The following UGP2 variants were observed in gnomAD, a reference collection of about 807,000 sequenced individuals.
The protein encoded by UGP2 is UDP-glucose pyrophosphorylase 2.
Under a neutral mutation model 49.0 loss-of-function variants are expected in UGP2, and 40 were observed. The observed-to-expected ratio is 0.82, with a 90% confidence interval of 0.63 to 1.06. UGP2 has a LOEUF of 1.06. Among genes scored for constraint, UGP2 ranks in the 50% least tolerant of loss-of-function variants. UGP2 has a pLI of 0.00. For missense variants in UGP2, 460 were observed against 603.5 expected (o/e 0.76, Z 2.49); for synonymous variants, 225 against 213.0 (o/e 1.06, Z -0.49).
Position 63,887,641 on chromosome 2 carries a change from G to T in UGP2, c.1311G>T (p.Thr437=), listed in dbSNP as rs372266567. 1 of 1,613,970 alleles carries T rather than the reference G, an allele frequency of 6.2e-7. No homozygotes were observed. The highest frequency in any genetic ancestry group is 8.5e-7 in the Non-Finnish European group (1 of 1,179,950). ...VPLVKLGSSF[T]KVQDYLRRFE... Reference sequence around the variant, plus strand: ...TGGTTAAATTAGGCAGTTCTTTTACGAAGGTACGTAACTATAAAGATATGT... The same window carrying T: ...TGGTTAAATTAGGCAGTTCTTTTACTAAGGTACGTAACTATAAAGATATGT... Residue 437 remains threonine (T), a synonymous_variant, in exon 8 of 10, where the codon ACG becomes ACT. Coordinates refer to ENST00000337130, the MANE Select transcript of UGP2 (RefSeq NM_006759.4).
chr2:63,869,545 ATT>A (rs1670404540), intron 3 of UGP2, among the ~76,000 whole-genome samples: 1 of 152,230 alleles, frequency 6.6e-6, no homozygotes, highest in South Asian at 2.1e-4. Flanking sequence ...AAGGCACACT[ATT>A]CAAGTTTGGC....
chr2:63,879,148 AAG>A (rs972655961), intron 3 of UGP2, among the ~76,000 whole-genome samples: 13 of 152,292 alleles, frequency 8.5e-5, no homozygotes, highest in African/African-American at 3.1e-4. Flanking sequence ...CATTTCTGTA[AAG>A]ATTAGAATTA....
chr2:63,868,549 T>TATA (rs1176784456), intron 3 of UGP2, among the ~76,000 whole-genome samples: 2 of 152,228 alleles, frequency 1.3e-5, no homozygotes, highest in South Asian at 4.1e-4. Context: ...TAAAACCGTG[T>TATA]AATGAATATA....
At position 63,886,365 on chromosome 2, in the gene UGP2, G is replaced by A; in HGVS notation, c.898G>A (p.Gly300Ser). 6.2e-7 allele frequency: 1 copy of A among 1,614,148 alleles called. No homozygotes were observed. The highest frequency in any genetic ancestry group is 8.5e-7 in the Non-Finnish European group (1 of 1,180,010). Reference sequence around the variant, plus strand: ...GGGCGGGACACTCACTCAATATGAAGGCAAACTGAGACTGGTGGAAATTGC... The same window carrying A: ...GGGCGGGACACTCACTCAATATGAAAGCAAACTGAGACTGGTGGAAATTGC... Reference protein sequence around the residue: ...VKGGTLTQYEGKLRLVEIAQV... With the variant: ...VKGGTLTQYESKLRLVEIAQV... The change falls in exon 7 of 10, where the codon GGC becomes AGC. Residue 300 changes from glycine to serine, a missense_variant. Around this residue, in one of 2 missense-constraint regions of UGP2, gnomAD observed 317 missense variants for 473.0 expected, o/e 0.67. Coordinates refer to ENST00000337130, the MANE Select transcript of UGP2 (RefSeq NM_006759.4).
At chr2:63,861,524 A>ATT (rs538645691) in intron 3 of UGP2, among the ~76,000 whole-genome samples, 4 of 147,090 alleles carry the variant, frequency 2.7e-5, no homozygotes, top group Admixed American at 6.8e-5. Context: ...ACCTCTACAA[A>ATT]TTTTTTTTTT....
intron 8 of UGP2, 77 bp downstream of exon 8, chr2:63,887,721 G>T (rs987934196): frequency 6.4e-7 from 1 of 1,556,238 alleles, no homozygotes; most frequent in Non-Finnish European, 8.7e-7. Flanking sequence ...ATGTGAATTG[G>T]AGACTAATTA....
intron 3 of UGP2, among the ~76,000 whole-genome samples, chr2:63,870,070 CG>C (rs1670449188): frequency 1.3e-5 from 2 of 151,874 alleles, no homozygotes; most frequent in African/African-American, 4.8e-5. Context: ...CTGTAGGCGC[CG>C]GCCACCATGC....
intron 9 of UGP2, 151 bp downstream of exon 9, chr2:63,890,336 T>G (rs1672021403): frequency 3.2e-6 from 2 of 617,764 alleles, no homozygotes; most frequent in African/African-American, 3.7e-5. Context: ...ATGAGAATCT[T>G]TAAAATAGGA....
At chr2:63,852,723 G>A (rs1031216291) in intron 1 of UGP2, among the ~76,000 whole-genome samples, 5 of 152,158 alleles carry the variant, frequency 3.3e-5, no homozygotes, top group African/African-American at 1.2e-4. Flanking sequence ...TAGCAGTAAT[G>A]GAAATGGAAA....
At chr2:63,842,583 G>A in intron 1 of UGP2, 1 of 1,484,138 alleles carries the variant, frequency 6.7e-7, no homozygotes, top group East Asian at 2.5e-5. Context: ...GGAAGCGGGA[G>A]GACTGAGAAA....
At chr2:63,884,119 G>A (rs1371348223) in intron 5 of UGP2, 26 bp downstream of exon 5, 1 of 1,609,116 alleles carries the variant, frequency 6.2e-7, no homozygotes, top group Non-Finnish European at 8.5e-7. Context: ...AATTAACTCT[G>A]GGTATGTTAC....
At chr2:63,862,339 A>G (rs1669905494) in intron 3 of UGP2, among the ~76,000 whole-genome samples, 1 of 152,178 alleles carries the variant, frequency 6.6e-6, no homozygotes, top group South Asian at 2.1e-4. Context: ...AAATACTGAC[A>G]CTAAGCAGAC....
chr2:63,872,364 C>T (rs528335602), intron 3 of UGP2, among the ~76,000 whole-genome samples: 24 of 152,246 alleles, frequency 1.6e-4, no homozygotes, highest in African/African-American at 3.6e-4. Context: ...ATGTTGGGTA[C>T]GGGTGAGGGA....
chr2:63,864,289 G>C (rs574200091), intron 3 of UGP2, among the ~76,000 whole-genome samples: 1 of 152,288 alleles, frequency 6.6e-6, no homozygotes, highest in African/African-American at 2.4e-5. Flanking sequence ...AAGGGGCCCT[G>C]ATGAACCAGG....
In UGP2 at chr2:63,862,301, C is replaced by G. The variant is rs148548893; in HGVS notation, c.255+4365C>G. ...CCAAAGAGTCTCATCATTTCTTTGACATAAAGTTTTAAAACAGTAATATAT... is the reference window on the plus strand; with the variant it reads ...CCAAAGAGTCTCATCATTTCTTTGAGATAAAGTTTTAAAACAGTAATATAT... On this transcript the variant is annotated intron_variant, in intron 3 of 9. Transcript: ENST00000337130. Among the ~76,000 whole-genome samples, 212 of 152,180 alleles carry G rather than the reference C, an allele frequency of 1.4e-3. 1 individual carries two copies. Among genetic ancestry groups the G allele is most frequent in the African/African-American group, 4.7e-3 (193 of 41,504 alleles).
At chr2:63,854,993 CTG>C (rs1034556121) in intron 1 of UGP2, 3 of 153,164 alleles carry the variant, frequency 2.0e-5, no homozygotes, top group Non-Finnish European at 2.9e-5. Flanking sequence ...GACTTGGGTT[CTG>C]TGTGTTTTGA....
intron 1 of UGP2, chr2:63,842,649 C>G: frequency 7.1e-7 from 1 of 1,410,164 alleles, no homozygotes; most frequent in Non-Finnish European, 9.2e-7. Context: ...TCCGCTTCTA[C>G]TTCGTTTGTG....
intron 1 of UGP2, among the ~76,000 whole-genome samples, chr2:63,845,062 A>T (rs1671839888): frequency 6.6e-6 from 1 of 152,260 alleles, no homozygotes; most frequent in South Asian, 2.1e-4. Context: ...GTCATGGATG[A>T]CAAATGAGAA....
chr2:63,844,337 G>C (rs547940566), intron 1 of UGP2, among the ~76,000 whole-genome samples: 1 of 152,130 alleles, frequency 6.6e-6, no homozygotes, highest in Non-Finnish European at 1.5e-5. Context: ...CAAATTCTTT[G>C]ATCTTTGCTG....
Sources: allele counts gnomAD v4.1 joint callset (sites outside exome capture counted in the v4.1 genomes callset), GRCh38; gene constraint gnomAD v4.1.1; regional missense constraint gnomAD v4.1.1; transcripts MANE v1.5; gene names NCBI Gene and HGNC (gene_info 2026-07-23, HGNC 2026-07-21).